Variants in COPS4 observed in about 807,000 individuals in gnomAD.
The protein encoded by COPS4 is COP9 signalosome subunit 4, also known as COP9 signalosome complex subunit 4.
A neutral mutation model predicts 55.1 loss-of-function variants in COPS4; 8 were observed. The ratio of observed to expected loss-of-function variants is 0.15; its 90% confidence interval spans 0.09 to 0.26. The LOEUF (loss-of-function observed/expected upper bound fraction) is 0.26. Ranked by LOEUF, COPS4 falls within the 10% of genes least tolerant of loss-of-function variation. The probability of loss-of-function intolerance (pLI) is 1.00; values close to 1 mark genes in which losing one functional copy is unlikely to be tolerated. For synonymous variants in COPS4, 185 were observed against 165.7 expected, an observed-to-expected ratio of 1.12 and a Z score of -0.90; for missense variants, 248 against 484.0, an observed-to-expected ratio of 0.51 and a Z score of 4.58.
intron 1 of COPS4, 95 bp from the exon 2 acceptor site, chr4:83,045,531 A>T: frequency 1.0e-6 from 1 of 982,364 alleles, no homozygotes; most frequent in Non-Finnish European, 1.6e-6. Context: ...CTATGAAAGA[A>T]ACCAAGGTAT....
In COPS4 at chr4:83,062,245, T is replaced by C. The variant is rs141104696; in HGVS notation, c.716-831T>C. Reference sequence around the variant, plus strand: ...ATTTTTATTAACGAAATAATTAATGTTTATTGTAGAAGTACAAATAAGAAA... The same window carrying C: ...ATTTTTATTAACGAAATAATTAATGCTTATTGTAGAAGTACAAATAAGAAA... On this transcript the variant is annotated intron_variant, in intron 6 of 9. Coordinates refer to ENST00000264389, the MANE Select transcript of COPS4 (RefSeq NM_016129.3). 6.7e-4 allele frequency among the ~76,000 whole-genome samples: 102 copies of C among 152,352 alleles called. 2 individuals carry two copies. In the East Asian group the frequency reaches 0.012, roughly 18 times the overall value.
chr4:83,038,430 T>C (rs1730478772), intron 1 of COPS4, among the ~76,000 whole-genome samples: 1 of 152,184 alleles, frequency 6.6e-6, no homozygotes, highest in Non-Finnish European at 1.5e-5. Context: ...CTATGAGCCC[T>C]TAACTCTAAA....
chr4:83,038,528 C>T (rs1730481333), intron 1 of COPS4, among the ~76,000 whole-genome samples: 1 of 152,196 alleles, frequency 6.6e-6, no homozygotes. Flanking sequence ...GAATGCCTGT[C>T]TTCCTACTGT....
rs775222769 is a variant in COPS4 at position 83,035,193 on chromosome 4, G to GC, written c.-27dup. On this transcript the variant is annotated 5_prime_UTR_variant, in exon 1 of 10. Transcript: ENST00000264389. ...CTCGTTTTCTTTTTGGCTGCCAGAG[G>GC]CCCCCGCATCCACCGCTGAGCTGGG... 4.6e-6 allele frequency: 7 copies of GC among 1,527,888 alleles called. No individual in the cohort carries two copies. The highest frequency in any genetic ancestry group is 2.3e-5 in the South Asian group (2 of 88,886). 94.6% of individuals were successfully genotyped at this position (1,527,888 alleles called of 1,614,324 possible).
chr4:83,063,951 C>T (rs1399156720), intron 7 of COPS4, among the ~76,000 whole-genome samples: 1 of 152,184 alleles, frequency 6.6e-6, no homozygotes, highest in African/African-American at 2.4e-5. Context: ...TCGCCCCCCT[C>T]AGCCTCTCAA....
intron 9 of COPS4, chr4:83,073,468 A>G (rs1160912477): frequency 9.9e-6 from 4 of 402,070 alleles, no homozygotes; most frequent in Admixed American, 4.3e-5. Flanking sequence ...TCAAACACCA[A>G]TTTTTTTATG....
chr4:83,035,203 C>A lies in COPS4; in HGVS notation c.-22C>A. 1 of 1,547,628 alleles carries A rather than the reference C, an allele frequency of 6.5e-7. No individual in the cohort carries two copies. The highest frequency in any genetic ancestry group is 8.8e-7 in the Non-Finnish European group (1 of 1,137,626). ...TTTTGGCTGCCAGAGGCCCCCGCAT[C>A]CACCGCTGAGCTGGGAGAAAGATGG... On this transcript the variant is annotated 5_prime_UTR_variant, in exon 1 of 10. Coordinates refer to ENST00000264389, the MANE Select transcript of COPS4 (RefSeq NM_016129.3).
At chr4:83,051,141 GTAGTCC>G (rs575688006) in intron 4 of COPS4, among the ~76,000 whole-genome samples, 45 of 148,714 alleles carry the variant, frequency 3.0e-4, no homozygotes, top group African/African-American at 1.1e-3. Flanking sequence ...GCACATGCCT[GTAGTCC>G]TAGCTACTTG....
At chr4:83,057,841 G>A (rs1254030555) in intron 6 of COPS4, among the ~76,000 whole-genome samples, 1 of 147,260 alleles carries the variant, frequency 6.8e-6, no homozygotes, top group East Asian at 2.0e-4. Flanking sequence ...AGAATGGCGT[G>A]AATCCAGGAG....
chr4:83,066,285 A>G (rs1280414521), intron 7 of COPS4, among the ~76,000 whole-genome samples, 153 bp from the exon 8 acceptor site: 1 of 152,258 alleles, frequency 6.6e-6, no homozygotes, highest in Non-Finnish European at 1.5e-5. Context: ...ACATTAATGA[A>G]ACTACATCAT....
rs70943198 is a variant in COPS4, at chr4:83,060,186, C to CTT, written c.715+2792_715+2793dup. Among the ~76,000 whole-genome samples the CTT allele has an allele frequency of 1.2e-3, 170 of 139,918 alleles. 1 individual carries two copies. Among genetic ancestry groups the CTT allele is most frequent in the East Asian group, 9.4e-3 (45 of 4,782 alleles). The allele number at this position is 139,918 out of a possible 152,430, so 91.8% of individuals were successfully genotyped here. A position where few individuals can be genotyped will look rare whatever the true frequency, so the allele number is the denominator to read the frequency against. On this transcript the variant is annotated intron_variant, in intron 6 of 9. Transcript: ENST00000264389. ...AGTATACTTGACAGATGGTATAGTT[C>CTT]TTTTTTTTTTTTTTTGAGATGGAGT...
chr4:83,055,120 A>G (rs1040972719), intron 4 of COPS4, among the ~76,000 whole-genome samples: 3 of 152,258 alleles, frequency 2.0e-5, no homozygotes, highest in Non-Finnish European at 1.5e-5. Context: ...GGCCAAGTGA[A>G]TTATAAACTC....
At chr4:83,043,959 A>G (rs1018948072) in intron 1 of COPS4, among the ~76,000 whole-genome samples, 2 of 152,198 alleles carry the variant, frequency 1.3e-5, no homozygotes, top group African/African-American at 4.8e-5. Flanking sequence ...CAAGGTTGTG[A>G]GAATTTTGTA....
intron 9 of COPS4, 107 bp from the exon 10 acceptor site, chr4:83,075,190 C>A: frequency 1.1e-6 from 1 of 910,710 alleles, no homozygotes; most frequent in Non-Finnish European, 1.6e-6. Flanking sequence ...TTAAAAGGAA[C>A]ATGCCTCTTC....
chr4:83,073,672 C>T (rs988551754), intron 9 of COPS4, among the ~76,000 whole-genome samples: 1 of 152,210 alleles, frequency 6.6e-6, no homozygotes, highest in East Asian at 1.9e-4. Context: ...TTATAGGTTG[C>T]GGCTGGGCGT....
At chr4:83,056,476 CT>C (rs985395741) in intron 4 of COPS4, among the ~76,000 whole-genome samples, 1 of 152,138 alleles carries the variant, frequency 6.6e-6, no homozygotes, top group Non-Finnish European at 1.5e-5. Flanking sequence ...TTCAATAAAA[CT>C]TTTTAGTTTT....
At chr4:83,042,796 G>A (rs1730601318) in intron 1 of COPS4, among the ~76,000 whole-genome samples, 1 of 151,906 alleles carries the variant, frequency 6.6e-6, no homozygotes, top group Non-Finnish European at 1.5e-5. Context: ...GTAGAGATGA[G>A]GTTTTACTAT....
intron 4 of COPS4, among the ~76,000 whole-genome samples, chr4:83,055,806 A>AT (rs1730999394): frequency 6.6e-6 from 1 of 151,862 alleles, no homozygotes; most frequent in Admixed American, 6.6e-5. Flanking sequence ...GTGATTTCCA[A>AT]TTTTTTTCCT....
intron 9 of COPS4, chr4:83,073,205 G>A: frequency 3.0e-6 from 2 of 664,352 alleles, no homozygotes; most frequent in Non-Finnish European, 5.5e-6. Context: ...CCTTCCCCCA[G>A]CTTCTGGCAA....
Sources: allele counts gnomAD v4.1 joint callset (sites outside exome capture counted in the v4.1 genomes callset), GRCh38; gene constraint gnomAD v4.1.1; transcripts MANE v1.5; gene names NCBI Gene and HGNC (gene_info 2026-07-23, HGNC 2026-07-21).